ZNF385B: variants seen among roughly 807,000 people sequenced by gnomAD.
The protein encoded by ZNF385B is zinc finger protein 533.
In ZNF385B, 23 loss-of-function variants were observed where a neutral mutation model predicts 39.2. The observed-to-expected ratio is 0.59, with a 90% CI of 0.42 to 0.83. The LOEUF (loss-of-function observed/expected upper bound fraction) is 0.83, where lower values mean the gene tolerates loss of function less well. Among genes scored for constraint, ZNF385B ranks in the 40% least tolerant of loss-of-function variants. ZNF385B has a pLI of 0.00. For missense variants in ZNF385B, 552 were observed against 598.9 expected (o/e 0.92, Z 0.82); for synonymous variants, 205 against 222.6 (o/e 0.92, Z 0.70).
intron 1 of ZNF385B, among the ~76,000 whole-genome samples, chr2:179,848,781 A>G (rs528534054): frequency 2.0e-5 from 3 of 152,216 alleles, no homozygotes; most frequent in Non-Finnish European, 4.4e-5. Flanking sequence ...ACTGTCCTCT[A>G]CTAAGTCTAC....
At chr2:179,444,182 A>G (rs1264351294) in intron 9 of ZNF385B, among the ~76,000 whole-genome samples, 5 of 152,252 alleles carry the variant, frequency 3.3e-5, no homozygotes, top group African/African-American at 7.2e-5. Context: ...TTGCAGCATC[A>G]GACAGAGGCT....
rs1688842603 is a variant in ZNF385B, at chr2:179,606,796, GA to G, written c.299-61828del. Among the ~76,000 whole-genome samples the G allele has an allele frequency of 1.3e-5, 2 of 152,100 alleles. 1 individual carries two copies. The highest frequency in any genetic ancestry group is 4.1e-4 in the South Asian group (2 of 4,822). Reference sequence around the variant, plus strand: ...GAAAATCTATATTCTCATTGCTAGGGATAACTATTCATGACATTTAGGTATT... The same window carrying G: ...GAAAATCTATATTCTCATTGCTAGGGTAACTATTCATGACATTTAGGTATT... On this transcript the variant is annotated intron_variant, in intron 3 of 9. Coordinates refer to ENST00000410066, the MANE Select transcript of ZNF385B (RefSeq NM_152520.6).
At chr2:179,537,609 C>T (rs1482766968) in intron 4 of ZNF385B, among the ~76,000 whole-genome samples, 2 of 151,812 alleles carry the variant, frequency 1.3e-5, no homozygotes, top group African/African-American at 2.4e-5. Flanking sequence ...GGTGTGGTGG[C>T]GTGCATCTGT....
intron 1 of ZNF385B, among the ~76,000 whole-genome samples, chr2:179,850,394 T>C (rs1422315667): frequency 2.0e-5 from 3 of 152,190 alleles, no homozygotes; most frequent in Non-Finnish European, 4.4e-5. Flanking sequence ...AAGGCAGCCA[T>C]ACCATTACTG....
chr2:179,857,937 C>T (rs984137684), intron 1 of ZNF385B, among the ~76,000 whole-genome samples: 14 of 151,992 alleles, frequency 9.2e-5, no homozygotes, highest in African/African-American at 3.1e-4. Flanking sequence ...TGCAGAGGGT[C>T]TTCACTGTTT....
intron 5 of ZNF385B, among the ~76,000 whole-genome samples, chr2:179,503,104 G>A (rs1032990037): frequency 1.3e-5 from 2 of 152,052 alleles, no homozygotes; most frequent in Non-Finnish European, 2.9e-5. Context: ...GGAACTCCTG[G>A]GCTCAAGTGA....
intron 3 of ZNF385B, among the ~76,000 whole-genome samples, chr2:179,577,866 G>A (rs1337647833): frequency 6.6e-6 from 1 of 151,664 alleles, no homozygotes; most frequent in Non-Finnish European, 1.5e-5. Flanking sequence ...ATTTTTCATA[G>A]GCTGATATAT....
In ZNF385B at chr2:179,861,602, G is replaced by T. The variant is rs569744081; in HGVS notation, c.-656C>A. 6.6e-5 allele frequency: 10 copies of T among 152,238 alleles called. No homozygotes were observed. Among genetic ancestry groups the T allele is most frequent in the Non-Finnish European group, 1.5e-4 (10 of 68,062 alleles). 9.4% of individuals were successfully genotyped at this position (152,238 alleles called of 1,614,324 possible). ...ATGAGGCGGAACCGTTCGGGGGCTC[G>T]TTGACACTGCAGAGCCTCCCGCAGC... On this transcript the variant is annotated 5_prime_UTR_variant, in exon 1 of 10. Coordinates refer to ENST00000410066, the MANE Select transcript of ZNF385B (RefSeq NM_152520.6).
At chr2:179,595,579 C>T (rs1687925774) in intron 3 of ZNF385B, among the ~76,000 whole-genome samples, 1 of 151,760 alleles carries the variant, frequency 6.6e-6, no homozygotes, top group African/African-American at 2.4e-5. Flanking sequence ...GAAGTCATAT[C>T]TAGAAACTCA....
chr2:179,482,817 T>C (rs1404111453), intron 6 of ZNF385B, among the ~76,000 whole-genome samples: 1 of 152,134 alleles, frequency 6.6e-6, no homozygotes, highest in African/African-American at 2.4e-5. Context: ...CTTTGGCTCC[T>C]CAACTCCTTT....
intron 1 of ZNF385B, among the ~76,000 whole-genome samples, chr2:179,813,569 A>T (rs1432063386): frequency 1.3e-5 from 2 of 152,204 alleles, no homozygotes; most frequent in African/African-American, 2.4e-5. Flanking sequence ...AGCAGGGAAA[A>T]TTCATAATAG....
At position 179,654,621 on chromosome 2, in the gene ZNF385B, G is replaced by A. The variant is rs3106691; in HGVS notation, c.299-109652C>T. The stretch of plus-strand genomic sequence containing the variant: ...CATGATACTTTAGTTCCAAGTTCAA[G>A]TATGTGAACATCATTCTAACCTCTT... On this transcript the variant is annotated intron_variant, in intron 3 of 9. Transcript: ENST00000410066. 7.8e-3 allele frequency among the ~76,000 whole-genome samples: 1,195 copies of A among 152,294 alleles called. 16 individuals are homozygous for A. The highest frequency in any genetic ancestry group is 0.027 in the African/African-American group (1,103 of 41,548).
intron 4 of ZNF385B, among the ~76,000 whole-genome samples, chr2:179,519,101 C>T (rs1574569669): frequency 2.0e-5 from 3 of 152,110 alleles, no homozygotes; most frequent in Non-Finnish European, 2.9e-5. Flanking sequence ...TTGTTTCAGC[C>T]GCCCGAGTAG....
chr2:179,716,941 A>G (rs767420971), intron 3 of ZNF385B, among the ~76,000 whole-genome samples: 13 of 151,794 alleles, frequency 8.6e-5, no homozygotes, highest in Non-Finnish European at 1.3e-4. Flanking sequence ...ACCTATAACC[A>G]TATGTCAGCC....
chr2:179,565,793 C>CT (rs1444264851), intron 3 of ZNF385B, among the ~76,000 whole-genome samples: 1 of 152,226 alleles, frequency 6.6e-6, no homozygotes, highest in Non-Finnish European at 1.5e-5. Context: ...AGCCTTCCCT[C>CT]TTTTTTCAGA....
chr2:179,497,499 G>T (rs1173196249), intron 5 of ZNF385B, among the ~76,000 whole-genome samples: 1 of 151,086 alleles, frequency 6.6e-6, no homozygotes, highest in Admixed American at 6.6e-5. Context: ...AAAATAATAG[G>T]TTATAAGATA....
intron 1 of ZNF385B, among the ~76,000 whole-genome samples, chr2:179,781,689 C>G (rs973086324): frequency 4.6e-5 from 7 of 152,092 alleles, no homozygotes; most frequent in Admixed American, 3.9e-4. Flanking sequence ...ACGAACACCT[C>G]TATATACTCT....
At chr2:179,465,972 A>C (rs1347370357) in intron 6 of ZNF385B, among the ~76,000 whole-genome samples, 20 of 152,212 alleles carry the variant, frequency 1.3e-4, no homozygotes, top group Admixed American at 9.2e-4. Flanking sequence ...GTCCAATTCA[A>C]GGCAGTGCTC....
At chr2:179,852,351 C>G (rs2105443963) in intron 1 of ZNF385B, among the ~76,000 whole-genome samples, 2 of 152,290 alleles carry the variant, frequency 1.3e-5, no homozygotes, top group Middle Eastern at 3.4e-3. Context: ...TACTATCCAC[C>G]TGGTCACTGC....
Sources: gnomAD v4.1 joint callset for allele counts (sites outside exome capture counted in the v4.1 genomes callset) on GRCh38, gnomAD v4.1.1 for gene constraint, MANE v1.5 for transcripts, NCBI Gene and HGNC (gene_info 2026-07-23, HGNC 2026-07-21) for gene names.